Variants in THSD7A observed in about 807,000 individuals in gnomAD.
The protein encoded by THSD7A is thrombospondin type-1 domain-containing protein 7A.
THSD7A carries 96 observed loss-of-function variants against 231.3 expected under a neutral mutation model. The ratio of observed to expected loss-of-function variants is 0.41; its 90% CI spans 0.35 to 0.49. The LOEUF is 0.49. THSD7A is among the 20% of genes least tolerant of loss of function. THSD7A has a pLI of 0.05. For missense variants in THSD7A, 2,290 were observed against 2,070.2 expected (o/e 1.11, Z -2.06); for synonymous variants, 940 against 743.3 (o/e 1.26, Z -4.30).
chr7:11,511,811 G>A (rs1787820966), intron 6 of THSD7A, among the ~76,000 whole-genome samples: 1 of 152,124 alleles, frequency 6.6e-6, no homozygotes, highest in African/African-American at 2.4e-5. Context: ...TTAAATGTTA[G>A]ACCTAAAACC....
At chr7:11,816,372 T>C (rs1784705464) in intron 1 of THSD7A, among the ~76,000 whole-genome samples, 2 of 152,198 alleles carry the variant, frequency 1.3e-5, no homozygotes, top group African/African-American at 4.8e-5. Context: ...ATCCACATTA[T>C]TCCATCTGGG....
chr7:11,660,517 C>A (rs958789555), intron 1 of THSD7A, among the ~76,000 whole-genome samples: 1 of 151,268 alleles, frequency 6.6e-6, no homozygotes, highest in Admixed American at 6.6e-5. Flanking sequence ...AATAGAAAAA[C>A]AGTTCAAGAG....
chr7:11,794,725 G>C (rs908893680), intron 1 of THSD7A, among the ~76,000 whole-genome samples: 1 of 151,816 alleles, frequency 6.6e-6, no homozygotes, highest in Non-Finnish European at 1.5e-5. Flanking sequence ...AAGTCTTTTT[G>C]CCAGTGAGGC....
rs544570360 is a variant in THSD7A at position 11,634,082 on chromosome 7, A to T, written c.1022+2048T>A. ...ACGTAGGTCAAAATATCTGATTTTT[A>T]TCTCTTCTTCTCTAGGACTTTCTTG... On this transcript the variant is annotated intron_variant, in intron 2 of 27. Transcript: ENST00000423059. The surrounding 1 kb of genome is among the most constrained non-coding windows in gnomAD (Gnocchi z 4.1). Among the ~76,000 whole-genome samples, 2 of 152,278 alleles carry T rather than the reference A, an allele frequency of 1.3e-5. No homozygotes were observed. The highest frequency in any genetic ancestry group is 4.1e-4 in the South Asian group (2 of 4,826).
At chr7:11,717,143 A>G (rs1781167507) in intron 1 of THSD7A, among the ~76,000 whole-genome samples, 1 of 151,522 alleles carries the variant, frequency 6.6e-6, no homozygotes, top group African/African-American at 2.4e-5. Context: ...GACTTTATGT[A>G]CTGAGATCCA....
Position 11,447,220 on chromosome 7 carries a change from T to G in THSD7A, c.2800+10A>C. On this transcript the variant is annotated intron_variant, in intron 12 of 27. Coordinates refer to ENST00000423059, the MANE Select transcript of THSD7A (RefSeq NM_015204.3). ...ACGTGTACTGGCTTTGGCATCCCAA[T>G]TATTCTTACCAACAAGAGTGCGCTT... 1 of 1,612,718 alleles carries G rather than the reference T, an allele frequency of 6.2e-7. No individual in the cohort carries two copies. The highest frequency in any genetic ancestry group is 8.5e-7 in the Non-Finnish European group (1 of 1,179,218).
At chr7:11,758,969 G>A (rs774135603) in intron 1 of THSD7A, among the ~76,000 whole-genome samples, 9 of 151,896 alleles carry the variant, frequency 5.9e-5, no homozygotes, top group Non-Finnish European at 1.3e-4. Flanking sequence ...GCTAAGCCTG[G>A]TCAAAAAAAA....
chr7:11,816,223 A>G (rs17165253), intron 1 of THSD7A, among the ~76,000 whole-genome samples: 5,412 of 152,314 alleles, frequency 0.036, 163 homozygotes, highest in East Asian at 0.18. Flanking sequence ...TAAAATAGGT[A>G]CTAAGTGCCT....
At chr7:11,546,375 T>C (rs956584522) in intron 4 of THSD7A, among the ~76,000 whole-genome samples, 4 of 152,116 alleles carry the variant, frequency 2.6e-5, no homozygotes, top group Non-Finnish European at 4.4e-5. Context: ...CCTCAGCCCT[T>C]GCAGTACAGC....
chr7:11,818,510 T>C (rs1784777595), intron 1 of THSD7A, among the ~76,000 whole-genome samples: 1 of 152,172 alleles, frequency 6.6e-6, no homozygotes. Flanking sequence ...CAGGCTGACT[T>C]AACAGCTTGG....
intron 4 of THSD7A, among the ~76,000 whole-genome samples, chr7:11,583,709 A>G (rs908868679): frequency 1.3e-5 from 2 of 152,154 alleles, no homozygotes; most frequent in Non-Finnish European, 2.9e-5. Flanking sequence ...TGCAGTTTAC[A>G]GGGGTAAATC....
At chr7:11,821,371 T>G in intron 1 of THSD7A, 1 of 571,850 alleles carries the variant, frequency 1.7e-6, no homozygotes. Context: ...ACTTTTTATC[T>G]CTTCTCCCTT....
rs1032665771 is a variant in THSD7A, at chr7:11,831,705, T to C, written c.190+52A>G. 2 of 1,302,914 alleles carry C rather than the reference T, an allele frequency of 1.5e-6. No individual in the cohort carries two copies. The highest frequency in any genetic ancestry group is 1.5e-5 in the African/African-American group (1 of 65,276). 80.7% of individuals were successfully genotyped at this position (1,302,914 alleles called of 1,614,324 possible). ...TCCCTACAGAAGCCCACCAGCTCCT[T>C]AATGTGGCCCCAGATGTGAAGATGG... On this transcript the variant is annotated intron_variant, in intron 1 of 27. Coordinates refer to ENST00000423059, the MANE Select transcript of THSD7A (RefSeq NM_015204.3). The surrounding 1 kb of genome is among the most constrained non-coding windows in gnomAD (Gnocchi z 5.0).
intron 24 of THSD7A, among the ~76,000 whole-genome samples, chr7:11,380,724 CATGCTTGT>C (rs1230709157): frequency 3.3e-5 from 5 of 152,132 alleles, no homozygotes; most frequent in Non-Finnish European, 7.4e-5. Flanking sequence ...ATATACTTTA[CATGCTTGT>C]CTATTTGTCA....
intron 4 of THSD7A, among the ~76,000 whole-genome samples, chr7:11,587,548 G>A (rs1262724544): frequency 6.6e-6 from 1 of 152,100 alleles, no homozygotes; most frequent in Non-Finnish European, 1.5e-5. Flanking sequence ...CTTAGGATAT[G>A]TTCTGATGAT....
chr7:11,538,492 C>A (rs931995585), intron 6 of THSD7A, among the ~76,000 whole-genome samples: 1 of 152,154 alleles, frequency 6.6e-6, no homozygotes, highest in Non-Finnish European at 1.5e-5. Flanking sequence ...ACAAAATACA[C>A]TTGCTTTGCC....
rs34985878 is a variant in THSD7A, at chr7:11,444,783, CTGTG to C, written c.3064+1274_3064+1277del. ...AAGAGAGGGGGCACAGTTGTCTGCT[CTGTG>C]TGTGTGTGTGTGTGTGTGTGTATAA... is the stretch of plus-strand genomic sequence containing the variant. On this transcript the variant is annotated intron_variant, in intron 13 of 27. Coordinates refer to ENST00000423059, the MANE Select transcript of THSD7A (RefSeq NM_015204.3). The surrounding 1 kb of genome is among the most constrained non-coding windows in gnomAD (Gnocchi z 4.2). 5.0e-4 allele frequency among the ~76,000 whole-genome samples: 73 copies of C among 144,558 alleles called. No homozygotes were observed. The highest frequency in any genetic ancestry group is 9.6e-4 in the African/African-American group (38 of 39,674). 94.8% of individuals were successfully genotyped at this position (144,558 alleles called of 152,430 possible). A position where few individuals can be genotyped will look rare whatever the true frequency, so the allele number is the denominator to read the frequency against.
chr7:11,657,647 G>T (rs1782758296), intron 1 of THSD7A, among the ~76,000 whole-genome samples: 1 of 151,734 alleles, frequency 6.6e-6, no homozygotes, highest in South Asian at 2.1e-4. Context: ...ATCCTCTATT[G>T]TTCACCAAGT....
Position 11,446,052 on chromosome 7 carries a change from T to C in THSD7A, c.3064+9A>G, listed in dbSNP as rs780577060. On this transcript the variant is annotated intron_variant, in intron 13 of 27. Coordinates refer to ENST00000423059, the MANE Select transcript of THSD7A (RefSeq NM_015204.3). The surrounding 1 kb of genome is among the most constrained non-coding windows in gnomAD (Gnocchi z 4.0). Reference sequence around the variant, plus strand: ...GATAGCAAATATGTAACAATGAAGATTGAATTACCATGGCTGTTACATCTA... The same window carrying C: ...GATAGCAAATATGTAACAATGAAGACTGAATTACCATGGCTGTTACATCTA... 36 of 1,612,808 alleles carry C rather than the reference T, an allele frequency of 2.2e-5. No homozygotes were observed. The highest frequency in any genetic ancestry group is 2.9e-5 in the Non-Finnish European group (34 of 1,179,194).
Sources: gnomAD v4.1 joint callset for allele counts (sites outside exome capture counted in the v4.1 genomes callset) on GRCh38, gnomAD v4.1.1 for gene constraint, Gnocchi (gnomAD v3.1) non-coding constraint, MANE v1.5 for transcripts, NCBI Gene and HGNC (gene_info 2026-07-23, HGNC 2026-07-21) for gene names.